Variants in POT1 observed in about 807,000 individuals in gnomAD.
POT1 encodes the protein protection of telomeres protein 1.
POT1 carries 47 observed loss-of-function variants against 78.5 expected under a neutral mutation model. The ratio of observed to expected loss-of-function variants is 0.60; its 90% CI spans 0.47 to 0.76. POT1 has a LOEUF of 0.76. Ranked by LOEUF, POT1 falls within the 30% of genes least tolerant of loss-of-function variation. POT1 has a pLI of 0.00. For synonymous variants in POT1, 259 were observed against 260.7 expected (o/e 0.99, Z 0.06); for missense variants, 646 against 749.9 (o/e 0.86, Z 1.62).
chr7:124,917,270 G>A (rs1399424459), intron 2 of POT1, among the ~76,000 whole-genome samples: 1 of 152,156 alleles, frequency 6.6e-6, no homozygotes, highest in African/African-American at 2.4e-5. Flanking sequence ...AAGCTCTTGA[G>A]CAGGGAGGAG....
At chr7:124,903,261 C>CCA (rs1167877725) in intron 3 of POT1, among the ~76,000 whole-genome samples, 1 of 151,512 alleles carries the variant, frequency 6.6e-6, no homozygotes, top group Admixed American at 6.6e-5. Flanking sequence ...CCAAAACTGA[C>CCA]CATAGTTGGA....
At chr7:124,871,715 T>C (rs940206547) in intron 6 of POT1, among the ~76,000 whole-genome samples, 1 of 145,936 alleles carries the variant, frequency 6.9e-6, no homozygotes, top group African/African-American at 2.5e-5. Flanking sequence ...AAAACTGTAA[T>C]AGATCCTGCC....
Position 124,863,483 on chromosome 7 carries a change from A to G in POT1, c.413T>C (p.Val138Ala). 1 of 1,613,996 alleles carries G rather than the reference A, an allele frequency of 6.2e-7. No homozygotes were observed. The highest frequency in any genetic ancestry group is 1.1e-5 in the South Asian group (1 of 91,072). The change falls in exon 8 of 19, where the codon GTT (valine) becomes GCT (alanine). Residue 138 changes from valine to alanine, a missense_variant. Physicochemically the swap from Val to Ala is moderately conservative, Grantham distance 64. Transcript: ENST00000357628. ...CGGTGACATATGAGTAGATGCCCAA[A>G]CACGTAAGGCTTCTACCATTTTGTG... ...EDHKMVEALR[V>A]WASTHMSPSW...
intron 6 of POT1, among the ~76,000 whole-genome samples, chr7:124,882,051 T>A (rs1449354506): frequency 6.6e-6 from 1 of 152,006 alleles, no homozygotes; most frequent in East Asian, 1.9e-4. Flanking sequence ...TATTTTGCAA[T>A]CTTGAGCAAT....
rs182530401 is a variant in POT1 at position 124,923,886 on chromosome 7, T to C, written c.-227+4929A>G. 8.3e-4 allele frequency among the ~76,000 whole-genome samples: 125 copies of C among 150,610 alleles called. 1 individual carries two copies. In the East Asian group the frequency reaches 0.016, roughly 20 times the overall value. On this transcript the variant is annotated intron_variant, in intron 2 of 18. Transcript: ENST00000357628. ...AAGAGAAAGAATAACATTTTCCAAG[T>C]GCTCAAACAAACAAACAAACAAACA...
chr7:124,878,316 A>G (rs1451444566), intron 6 of POT1, among the ~76,000 whole-genome samples: 1 of 152,024 alleles, frequency 6.6e-6, no homozygotes, highest in African/African-American at 2.4e-5. Flanking sequence ...TGGGTGACAG[A>G]GCAACTCTGT....
intron 2 of POT1, among the ~76,000 whole-genome samples, chr7:124,919,079 G>A (rs372218442): frequency 1.3e-5 from 2 of 152,124 alleles, no homozygotes; most frequent in Admixed American, 6.6e-5. Flanking sequence ...AGATTGTACA[G>A]CCTACTATAC....
chr7:124,865,414 C>T (rs1008421005), intron 7 of POT1, among the ~76,000 whole-genome samples: 1 of 152,076 alleles, frequency 6.6e-6, no homozygotes, highest in Non-Finnish European at 1.5e-5. Flanking sequence ...TCCTAAATTA[C>T]ATGTAACCCT....
intron 6 of POT1, among the ~76,000 whole-genome samples, chr7:124,879,225 C>A (rs889082377): frequency 6.6e-6 from 1 of 152,108 alleles, no homozygotes; most frequent in African/African-American, 2.4e-5. Context: ...AGCTAAAACA[C>A]ATCTGAAAGG....
At chr7:124,829,508 A>G (rs1372436214) in intron 15 of POT1, among the ~76,000 whole-genome samples, 166 bp from the exon 16 acceptor site, 3 of 152,160 alleles carry the variant, frequency 2.0e-5, no homozygotes, top group Non-Finnish European at 4.4e-5. Flanking sequence ...CAAGAGAATT[A>G]TGAAAGAGTA....
At chr7:124,857,831 C>G (rs773268547) in intron 9 of POT1, among the ~76,000 whole-genome samples, 2 of 152,178 alleles carry the variant, frequency 1.3e-5, no homozygotes, top group African/African-American at 2.4e-5. Flanking sequence ...GTGAGTCAGT[C>G]ACAGCTACCC....
chr7:124,877,583 T>C (rs892651607), intron 6 of POT1, among the ~76,000 whole-genome samples: 34 of 151,412 alleles, frequency 2.2e-4, no homozygotes, highest in African/African-American at 8.3e-4. Context: ...ACACCTGTAA[T>C]CCCACCGCTT....
intron 12 of POT1, among the ~76,000 whole-genome samples, chr7:124,846,735 A>G (rs1562984148): frequency 6.7e-6 from 1 of 149,684 alleles, no homozygotes; most frequent in East Asian, 2.0e-4. Context: ...ATGACTTAAA[A>G]TATGCAATGT....
At chr7:124,894,778 A>G (rs1188705894) in intron 5 of POT1, among the ~76,000 whole-genome samples, 2 of 151,766 alleles carry the variant, frequency 1.3e-5, no homozygotes, top group East Asian at 1.9e-4. Context: ...CATCCAAATC[A>G]GTGTGAACAA....
chr7:124,841,039 C>T lies in POT1; in HGVS notation c.1303G>A (p.Ala435Thr), dbSNP rs567021227. The change falls in exon 14 of 19, where the codon GCA (alanine) becomes ACA (threonine). Residue 435 changes from alanine (A) to threonine (T), a missense_variant. Coordinates refer to ENST00000357628, the MANE Select transcript of POT1 (RefSeq NM_015450.3). Reference sequence around the variant, plus strand: ...CCATTATTTTTCACAAAATGAACTGCTACTTTTCGTCCTTTTTGATTTTTA... The same window carrying T: ...CCATTATTTTTCACAAAATGAACTGTTACTTTTCGTCCTTTTTGATTTTTA... ...TTKNQKGRKV[A>T]VHFVKNNGIL... The T allele has an allele frequency of 2.0e-5, 32 of 1,612,256 alleles. 1 individual carries two copies. The South Asian group carries it at 3.3e-4, about 17-fold the overall frequency.
intron 12 of POT1, among the ~76,000 whole-genome samples, chr7:124,845,312 TTTTC>T (rs1795138371): frequency 6.6e-6 from 1 of 152,206 alleles, no homozygotes; most frequent in Non-Finnish European, 1.5e-5. Context: ...AGTCCTCGGC[TTTTC>T]TTTATCTTTC....
Position 124,824,087 on chromosome 7 carries a change from A to T in POT1, c.1793-13T>A. 1 of 1,532,594 alleles carries T rather than the reference A, an allele frequency of 6.5e-7. No individual in the cohort carries two copies. Among genetic ancestry groups the T allele is most frequent in the Non-Finnish European group, 9.0e-7 (1 of 1,117,254 alleles). 94.9% of individuals were successfully genotyped at this position (1,532,594 alleles called of 1,614,324 possible). ...CACGGATATGCATCTACAAAAACAA[A>T]AACAAAAAAAGCGATTTAACCATTA... is the stretch of plus-strand genomic sequence containing the variant. On this transcript the variant is annotated splice_polypyrimidine_tract_variant and intron_variant, in intron 18 of 18. Coordinates refer to ENST00000357628, the MANE Select transcript of POT1 (RefSeq NM_015450.3).
chr7:124,848,090 T>C (rs569410905), intron 11 of POT1, among the ~76,000 whole-genome samples: 146 of 151,886 alleles, frequency 9.6e-4, no homozygotes, highest in African/African-American at 3.4e-3. Flanking sequence ...CTCAAAAACA[T>C]ATAGTATATA....
At chr7:124,894,926 G>T (rs1353148716) in intron 5 of POT1, among the ~76,000 whole-genome samples, 1 of 151,602 alleles carries the variant, frequency 6.6e-6, no homozygotes, top group East Asian at 1.9e-4. Context: ...TGTAATCAGG[G>T]ATCTGAAAAT....
Sources: allele counts gnomAD v4.1 joint callset (sites outside exome capture counted in the v4.1 genomes callset), GRCh38; gene constraint gnomAD v4.1.1; transcripts MANE v1.5; gene names NCBI Gene and HGNC (gene_info 2026-07-23, HGNC 2026-07-21).